Variants in GOLM1 observed in about 807,000 individuals in gnomAD.
GOLM1 encodes epididymis luminal protein 46.
GOLM1 carries 31 observed loss-of-function variants against 50.5 expected under a neutral mutation model. That is an observed-to-expected ratio of 0.61 (90% CI 0.46 to 0.83). The LOEUF (loss-of-function observed/expected upper bound fraction) is 0.83, where lower values mean the gene tolerates loss of function less well. Among genes scored for constraint, GOLM1 ranks in the 40% least tolerant of loss-of-function variants. The probability of loss-of-function intolerance (pLI) is 0.00; values close to 1 mark genes in which losing one functional copy is unlikely to be tolerated. For missense variants in GOLM1, 491 were observed against 501.3 expected (o/e 0.98, Z 0.20); for synonymous variants, 178 against 192.8 (o/e 0.92, Z 0.64).
intron 9 of GOLM1, among the ~76,000 whole-genome samples, chr9:86,029,558 C>CT (rs1205951488): frequency 1.2e-4 from 19 of 152,288 alleles, no homozygotes; most frequent in African/African-American, 4.1e-4. Flanking sequence ...TGATTTATAA[C>CT]TATGGCACAT....
In GOLM1 at chr9:86,059,885, G is replaced by A. The variant is rs866385261; in HGVS notation, c.310-7294C>T. On this transcript the variant is annotated intron_variant, in intron 3 of 9. Coordinates refer to ENST00000388712, the MANE Select transcript of GOLM1 (RefSeq NM_016548.4). Reference sequence around the variant, plus strand: ...ACTGCACTCCAGCCCGGGTGACACAGTGTGAGTCTATCTCAAAAAAAAAAA... The same window carrying A: ...ACTGCACTCCAGCCCGGGTGACACAATGTGAGTCTATCTCAAAAAAAAAAA... Among the ~76,000 whole-genome samples, 47 of 126,150 alleles carry A rather than the reference G, an allele frequency of 3.7e-4. 1 individual carries two copies. The highest frequency in any genetic ancestry group is 1.5e-3 in the African/African-American group (47 of 30,614). 82.8% of individuals were successfully genotyped at this position (126,150 alleles called of 152,430 possible).
chr9:86,026,434 C>A lies in GOLM1; in HGVS notation c.*1383G>T. ...TTGCAAACAGGGCCTGCTTCAGTGA[C>A]TGTGTGCCTGTAGTCCCAGCTACTC... On this transcript the variant is annotated 3_prime_UTR_variant, in exon 10 of 10. Coordinates refer to ENST00000388712, the MANE Select transcript of GOLM1 (RefSeq NM_016548.4). 1.0e-6 allele frequency: 1 copy of A among 984,856 alleles called. No homozygotes were observed. Among genetic ancestry groups the A allele is most frequent in the Non-Finnish European group, 1.2e-6 (1 of 829,456 alleles). 61.0% of individuals were successfully genotyped at this position (984,856 alleles called of 1,614,324 possible).
intron 1 of GOLM1, among the ~76,000 whole-genome samples, chr9:86,096,853 GT>G (rs914203941): frequency 4.6e-5 from 7 of 151,966 alleles, no homozygotes; most frequent in African/African-American, 1.7e-4. Context: ...TGTTAAAAAA[GT>G]TTTTTTATTA....
At chr9:86,045,143 G>A (rs1475577138) in intron 5 of GOLM1, among the ~76,000 whole-genome samples, 2 of 152,002 alleles carry the variant, frequency 1.3e-5, no homozygotes, top group African/African-American at 4.8e-5. Context: ...GGCTGAGGCA[G>A]GCAGATCATG....
At chr9:86,092,050 C>T (rs774766754) in intron 1 of GOLM1, among the ~76,000 whole-genome samples, 5 of 152,118 alleles carry the variant, frequency 3.3e-5, no homozygotes, top group Admixed American at 1.3e-4. Flanking sequence ...ACACTGGCTC[C>T]ACCACTCAGG....
chr9:86,053,436 A>ATCG (rs1564347202), intron 3 of GOLM1, among the ~76,000 whole-genome samples: 2 of 68,054 alleles, frequency 2.9e-5, no homozygotes, highest in African/African-American at 5.8e-5. Context: ...ACCACACCAC[A>ATCG]CACCATTCCA....
intron 1 of GOLM1, among the ~76,000 whole-genome samples, chr9:86,088,454 AT>A: frequency 8.8e-6 from 1 of 113,406 alleles, no homozygotes; most frequent in Non-Finnish European, 1.9e-5. Context: ...ATATATATAT[AT>A]ATTTAGGATA....
rs28564936 is a variant in GOLM1 at position 86,042,612 on chromosome 9, C to T, written c.468-1744G>A. Among the ~76,000 whole-genome samples, 607 of 152,250 alleles carry T rather than the reference C, an allele frequency of 4.0e-3. 5 individuals carry two copies. The highest frequency in any genetic ancestry group is 0.014 in the African/African-American group (574 of 41,540). ...AATACAATTCTCACAAATATACAAG[C>T]CACAGGTGGTAGATTAGTGCACAGG... On this transcript the variant is annotated intron_variant, in intron 5 of 9. Transcript: ENST00000388712.
intron 6 of GOLM1, among the ~76,000 whole-genome samples, chr9:86,037,559 TAGA>T (rs1833188619): frequency 6.6e-6 from 1 of 152,200 alleles, no homozygotes; most frequent in Admixed American, 6.5e-5. Context: ...GCATCTGTAT[TAGA>T]AGACTTCCAG....
chr9:86,028,096 A>G (rs1320257499), intron 9 of GOLM1, among the ~76,000 whole-genome samples: 1 of 151,994 alleles, frequency 6.6e-6, no homozygotes, highest in East Asian at 1.9e-4. Flanking sequence ...AGTGCTGGGT[A>G]GAGAAGGGCA....
At chr9:86,050,224 T>C (rs1403460587) in intron 4 of GOLM1, among the ~76,000 whole-genome samples, 1 of 152,174 alleles carries the variant, frequency 6.6e-6, no homozygotes, top group Admixed American at 6.5e-5. Flanking sequence ...GGCAACTTGA[T>C]TGTGTTGGAT....
intron 1 of GOLM1, among the ~76,000 whole-genome samples, chr9:86,096,869 G>A (rs1025669271): frequency 4.6e-5 from 7 of 151,914 alleles, no homozygotes; most frequent in Non-Finnish European, 1.0e-4. Context: ...TTATTACTAA[G>A]AAACATCAAA....
intron 6 of GOLM1, 76 bp from the exon 7 acceptor site, chr9:86,036,583 A>C: frequency 6.9e-7 from 1 of 1,457,980 alleles, no homozygotes; most frequent in Non-Finnish European, 9.4e-7. Context: ...CTACCAATGC[A>C]ATGAATCCCA....
rs781563410 is a variant in GOLM1, at chr9:86,040,784, A to C, written c.552T>G (p.Ala184=). Residue 184 remains alanine, a synonymous_variant, in exon 6 of 10, where the codon GCT becomes GCG. Coordinates refer to ENST00000388712, the MANE Select transcript of GOLM1 (RefSeq NM_016548.4). ...TTTCACTCAGGTCTCTGGAAGCTAC[A>C]GCTTCATTCCCCTTTTTGGTGACCT... ...IEEVTKKGNE[A]VASRDLSENN... 10 of 1,614,028 alleles carry C rather than the reference A, an allele frequency of 6.2e-6. No homozygotes were observed. In the South Asian group the frequency reaches 1.1e-4, roughly 18 times the overall value.
In GOLM1 at chr9:86,051,734, AC is replaced by A. The variant is rs367586565; in HGVS notation, c.364+802del. ...CTGTCAAACTGAACCTTTATGTGAG[AC>A]CCCCCAACTCCCACCCCCGCAGCCA... On this transcript the variant is annotated intron_variant, in intron 4 of 9. Coordinates refer to ENST00000388712, the MANE Select transcript of GOLM1 (RefSeq NM_016548.4). 5.2e-3 allele frequency among the ~76,000 whole-genome samples: 782 copies of A among 150,772 alleles called. 6 individuals are homozygous for A. Among genetic ancestry groups the A allele is most frequent in the African/African-American group, 0.018 (746 of 41,008 alleles).
intron 9 of GOLM1, among the ~76,000 whole-genome samples, chr9:86,028,266 C>T (rs963800411): frequency 5.3e-5 from 8 of 152,204 alleles, no homozygotes; most frequent in Non-Finnish European, 8.8e-5. Context: ...CCAGCGGGCA[C>T]ACACACAAGC....
intron 5 of GOLM1, among the ~76,000 whole-genome samples, chr9:86,042,347 C>G (rs1833384034): frequency 1.3e-5 from 2 of 152,296 alleles, no homozygotes; most frequent in South Asian, 4.1e-4. Context: ...GACTCCAGGG[C>G]TCCTTACTGT....
At chr9:86,048,718 GGTT>G (rs1237857580) in intron 4 of GOLM1, among the ~76,000 whole-genome samples, 2 of 152,036 alleles carry the variant, frequency 1.3e-5, no homozygotes, top group African/African-American at 4.8e-5. Flanking sequence ...TTTTTGATGG[GGTT>G]GTTTGATTTT....
chr9:86,079,491 A>G, intron 1 of GOLM1, 150 bp from the exon 2 acceptor site: 1 of 622,546 alleles, frequency 1.6e-6, no homozygotes, highest in Non-Finnish European at 2.7e-6. Flanking sequence ...GTCAAGGGAG[A>G]AGAGTATGTG....
Sources: gnomAD v4.1 joint callset for allele counts (sites outside exome capture counted in the v4.1 genomes callset) on GRCh38, gnomAD v4.1.1 for gene constraint, MANE v1.5 for transcripts, NCBI Gene and HGNC (gene_info 2026-07-23, HGNC 2026-07-21) for gene names.